QTMAN: variants seen among roughly 807,000 people sequenced by gnomAD.
The protein encoded by QTMAN is tRNA-queuosine alpha-mannosyltransferase.
chr2:144,207,692 A>G, the QTMAN span, among the ~76,000 whole-genome samples: 1 of 152,170 alleles, frequency 6.6e-6, no homozygotes, highest in South Asian at 2.1e-4. Flanking sequence ...CGATTTAACC[A>G]TCAGGAGAAT....
At chr2:144,329,410 C>A in the QTMAN span, among the ~76,000 whole-genome samples, 13 of 152,026 alleles carry the variant, frequency 8.6e-5, no homozygotes, top group Non-Finnish European at 1.5e-4. Context: ...GGACAATTTG[C>A]CAAGGTAGTC....
At chr2:144,284,839 C>T in the QTMAN span, among the ~76,000 whole-genome samples, 1 of 151,962 alleles carries the variant, frequency 6.6e-6, no homozygotes, top group African/African-American at 2.4e-5. Flanking sequence ...TCAAGATTAG[C>T]CTGGGCAACA....
At chr2:144,279,289 AG>A in the QTMAN span, among the ~76,000 whole-genome samples, 1 of 151,712 alleles carries the variant, frequency 6.6e-6, no homozygotes, top group Non-Finnish European at 1.5e-5. Context: ...AATGTTTTCC[AG>A]GAAGAGTGAA....
At chr2:144,242,624 C>T in the QTMAN span, among the ~76,000 whole-genome samples, 1 of 152,064 alleles carries the variant, frequency 6.6e-6, no homozygotes, top group African/African-American at 2.4e-5. Flanking sequence ...TTGTGAAATT[C>T]CCGAAAGTCA....
the QTMAN span, among the ~76,000 whole-genome samples, chr2:144,093,365 G>C: frequency 3.9e-5 from 6 of 152,078 alleles, no homozygotes; most frequent in African/African-American, 1.4e-4. Context: ...TTTTTAAAAA[G>C]GTAGCAAACT....
chr2:143,993,222 C>T, the QTMAN span, among the ~76,000 whole-genome samples: 1 of 152,186 alleles, frequency 6.6e-6, no homozygotes, highest in East Asian at 1.9e-4. Flanking sequence ...ATTACATCTT[C>T]AGTGCTTGAT....
At chr2:143,977,580 G>A in the QTMAN span, among the ~76,000 whole-genome samples, 1 of 152,148 alleles carries the variant, frequency 6.6e-6, no homozygotes, top group Admixed American at 6.5e-5. Flanking sequence ...AAAAGCGGAA[G>A]TGTGGCTTCT....
chr2:143,957,516 C>T, the QTMAN span, among the ~76,000 whole-genome samples: 1 of 151,594 alleles, frequency 6.6e-6, no homozygotes, highest in Non-Finnish European at 1.5e-5. Flanking sequence ...GTTAAGGTGC[C>T]AAAAAAAGCT....
At chr2:144,240,908 C>A in the QTMAN span, among the ~76,000 whole-genome samples, 1 of 152,176 alleles carries the variant, frequency 6.6e-6, no homozygotes, top group Non-Finnish European at 1.5e-5. Context: ...CTGCAAAGAG[C>A]CTCACTTAAG....
the QTMAN span, among the ~76,000 whole-genome samples, chr2:144,003,417 A>G: frequency 6.6e-6 from 1 of 151,602 alleles, no homozygotes; most frequent in Admixed American, 6.6e-5. Flanking sequence ...GAAAGAAAAT[A>G]GTTAAAAAAA....
the QTMAN span, among the ~76,000 whole-genome samples, chr2:144,305,647 A>C: frequency 6.6e-6 from 1 of 152,236 alleles, no homozygotes; most frequent in Non-Finnish European, 1.5e-5. Flanking sequence ...GAAAAATGGC[A>C]GCTGAGATTG....
At chr2:144,200,499 G>A in the QTMAN span, among the ~76,000 whole-genome samples, 3 of 152,094 alleles carry the variant, frequency 2.0e-5, no homozygotes, top group East Asian at 1.9e-4. Flanking sequence ...TAAAATACAC[G>A]AACAATAACA....
At chr2:144,008,560 CT>C in the QTMAN span, among the ~76,000 whole-genome samples, 2 of 152,022 alleles carry the variant, frequency 1.3e-5, no homozygotes, top group African/African-American at 4.8e-5. Context: ...CTGGGCCAGA[CT>C]ACCAAGTCCT....
At chr2:144,006,349 T>C in the QTMAN span, 2 of 152,218 alleles carry the variant, frequency 1.3e-5, no homozygotes, top group Admixed American at 6.5e-5. Context: ...GCCGGTGTGG[T>C]GCTCTTATTA....
the QTMAN span, among the ~76,000 whole-genome samples, chr2:143,966,251 T>G: frequency 1.9e-4 from 29 of 152,168 alleles, no homozygotes; most frequent in African/African-American, 6.8e-4. Context: ...AAATGGTAAT[T>G]CCAACAGTGC....
At chr2:144,195,662 A>T in the QTMAN span, among the ~76,000 whole-genome samples, 1 of 151,944 alleles carries the variant, frequency 6.6e-6, no homozygotes, top group Non-Finnish European at 1.5e-5. Flanking sequence ...TCCTTTTTCT[A>T]CTCCTAGTTC....
chr2:143,949,701 A>C, the QTMAN span, among the ~76,000 whole-genome samples: 2 of 151,904 alleles, frequency 1.3e-5, no homozygotes, highest in East Asian at 3.8e-4. Flanking sequence ...TGCATAAGAA[A>C]AGTAGGTAAA....
chr2:144,008,229 G>C, the QTMAN span, among the ~76,000 whole-genome samples: 1 of 151,974 alleles, frequency 6.6e-6, no homozygotes, highest in Admixed American at 6.6e-5. Flanking sequence ...CTATTGGAAA[G>C]CAAACCATTA....
the QTMAN span, among the ~76,000 whole-genome samples, chr2:144,208,233 C>G: frequency 6.6e-6 from 1 of 152,162 alleles, no homozygotes; most frequent in African/African-American, 2.4e-5. Flanking sequence ...GACTTTAAAG[C>G]CTTGGACGTA....
Sources: gnomAD v4.1 joint callset for allele counts (sites outside exome capture counted in the v4.1 genomes callset) on GRCh38, gnomAD v4.1.1 for gene constraint, MANE v1.5 for transcripts, NCBI Gene and HGNC (gene_info 2026-07-23, HGNC 2026-07-21) for gene names.